The following VRK3 variants were observed in gnomAD, a reference collection of about 807,000 sequenced individuals.
The protein encoded by VRK3 is VRK serine/threonine kinase 3, also known as serine/threonine-protein kinase VRK3.
VRK3 carries 50 observed loss-of-function variants against 60.4 expected under a neutral mutation model. The observed-to-expected ratio is 0.83, with a 90% CI of 0.66 to 1.05. The LOEUF (loss-of-function observed/expected upper bound fraction) is 1.05, where lower values mean the gene tolerates loss of function less well. VRK3 is among the 50% of genes least tolerant of loss of function. The pLI is 0.00. For synonymous variants in VRK3, 246 were observed against 227.8 expected, an observed-to-expected ratio of 1.08 and a Z score of -0.72; for missense variants, 549 against 585.3, an observed-to-expected ratio of 0.94 and a Z score of 0.64.
chr19:50,011,575 A>C (rs902047172), intron 3 of VRK3, among the ~76,000 whole-genome samples: 4 of 152,164 alleles, frequency 2.6e-5, no homozygotes, highest in African/African-American at 9.7e-5. Context: ...GCAGCTCTCC[A>C]CGTCACCACA....
In VRK3 at chr19:49,988,833, C is replaced by T. The variant is rs536069316; in HGVS notation, c.1097-341G>A. Among the ~76,000 whole-genome samples, 46 of 152,290 alleles carry T rather than the reference C, an allele frequency of 3.0e-4. 1 individual carries two copies. The highest frequency in any genetic ancestry group is 1.1e-3 in the African/African-American group (44 of 41,552). ...ACCAGGATCTCGTCGGGTCCCAGCC[C>T]GTGACAGCCTAGTGGGGAGACAGCT... On this transcript the variant is annotated intron_variant, in intron 11 of 14. Coordinates refer to ENST00000316763, the MANE Select transcript of VRK3 (RefSeq NM_016440.4).
At chr19:49,985,617 C>T (rs964019268) in intron 12 of VRK3, among the ~76,000 whole-genome samples, 6 of 152,208 alleles carry the variant, frequency 3.9e-5, no homozygotes, top group Non-Finnish European at 1.5e-5. Flanking sequence ...CCTCATGACC[C>T]TCATCAGTCT....
intron 6 of VRK3, chr19:50,000,509 C>G (rs574190993): frequency 2.0e-6 from 1 of 495,006 alleles, no homozygotes; most frequent in Non-Finnish European, 3.7e-6. Context: ...GGCTCCATTT[C>G]ACAGATGAGG....
At chr19:50,018,313 T>G (rs1203650281) in intron 2 of VRK3, among the ~76,000 whole-genome samples, 3 of 152,232 alleles carry the variant, frequency 2.0e-5, no homozygotes, top group African/African-American at 7.2e-5. Flanking sequence ...TTCCAGTCAT[T>G]AATATTTCTA....
intron 3 of VRK3, chr19:50,015,726 C>T (rs1364562345): frequency 5.2e-6 from 2 of 382,210 alleles, no homozygotes; most frequent in Non-Finnish European, 9.7e-6. Context: ...ATAAGGGATA[C>T]TCAACCTGCA....
At chr19:49,994,669 G>A (rs1034354563) in intron 9 of VRK3, 145 bp downstream of exon 9, 15 of 732,694 alleles carry the variant, frequency 2.0e-5, no homozygotes, top group Middle Eastern at 2.5e-4. Context: ...GGCTCTAACC[G>A]CCTGCCATGG....
chr19:50,004,000 A>G (rs1198468378), intron 5 of VRK3, among the ~76,000 whole-genome samples: 1 of 152,244 alleles, frequency 6.6e-6, no homozygotes, highest in Non-Finnish European at 1.5e-5. Flanking sequence ...CAAGAGTTTG[A>G]GACCAGCCTG....
At chr19:49,990,989 T>A (rs1299001016) in intron 10 of VRK3, among the ~76,000 whole-genome samples, 2 of 152,058 alleles carry the variant, frequency 1.3e-5, no homozygotes, top group Non-Finnish European at 2.9e-5. Flanking sequence ...AGGTTCCCTA[T>A]GTTTCCCAGG....
chr19:50,000,892 C>A (rs147702874), intron 5 of VRK3, 38 bp from the exon 6 acceptor site: 2 of 1,593,188 alleles, frequency 1.3e-6, no homozygotes, highest in African/African-American at 2.7e-5. Context: ...GTTATAACCA[C>A]GCGGAAGGTC....
chr19:50,000,993 T>C (rs2115507), intron 5 of VRK3, 139 bp from the exon 6 acceptor site: 238,829 of 679,480 alleles, frequency 0.35, 47,740 homozygotes, highest in East Asian at 0.76. Flanking sequence ...CTCTCACGAC[T>C]TGCTGCTTCC....
intron 11 of VRK3, 44 bp from the exon 12 acceptor site, chr19:49,988,536 CCA>C: frequency 6.2e-7 from 1 of 1,600,660 alleles, no homozygotes; most frequent in Non-Finnish European, 8.5e-7. Context: ...TCTGGACGCT[CCA>C]CTCACTGGTG....
rs10424249 is a variant in VRK3, at chr19:49,989,556, C to T, written c.1096+83G>A. 14,875 of 1,491,664 alleles carry T rather than the reference C, an allele frequency of 1.0e-2. 1,275 individuals carry two copies. The African/African-American group carries it at 0.18, about 18-fold the overall frequency. 92.4% of individuals were successfully genotyped at this position (1,491,664 alleles called of 1,614,324 possible). On this transcript the variant is annotated intron_variant, in intron 11 of 14. Transcript: ENST00000316763. ...AGTGCCTCTCCTGTCTGGCCACCTG[C>T]TGTCTCTGGCTGTGAACTCCTAGAG...
intron 12 of VRK3, among the ~76,000 whole-genome samples, chr19:49,982,415 T>C (rs182783955): frequency 2.0e-5 from 3 of 152,310 alleles, no homozygotes; most frequent in African/African-American, 7.2e-5. Context: ...AGTGCTGGGA[T>C]TACAGATGTG....
chr19:49,983,358 G>A (rs2123023699), intron 12 of VRK3, among the ~76,000 whole-genome samples: 1 of 152,322 alleles, frequency 6.6e-6, no homozygotes, highest in East Asian at 1.9e-4. Flanking sequence ...TACAGCTCGA[G>A]GGCTTGGCCT....
chr19:50,012,824 G>C (rs375116883), intron 3 of VRK3, among the ~76,000 whole-genome samples: 2 of 151,482 alleles, frequency 1.3e-5, no homozygotes, highest in Non-Finnish European at 2.9e-5. Context: ...GCAGTGAGCC[G>C]AGATCGTGCC....
chr19:49,986,913 A>T (rs73932262), intron 12 of VRK3: 1 of 152,196 alleles, frequency 6.6e-6, no homozygotes, highest in Non-Finnish European at 1.5e-5. Context: ...TCCAAGACGG[A>T]GTCTTGCTTT....
chr19:50,000,561 G>A, intron 6 of VRK3: 1 of 577,680 alleles, frequency 1.7e-6, no homozygotes, highest in Non-Finnish European at 3.1e-6. Context: ...AGGTCACACA[G>A]CAGGGAAGCA....
chr19:50,025,339 G>C lies in VRK3; in HGVS notation c.-137C>G, dbSNP rs746151221. 6.6e-6 allele frequency: 1 copy of C among 152,328 alleles called. No homozygotes were observed. Among genetic ancestry groups the C allele is most frequent in the Non-Finnish European group, 1.5e-5 (1 of 68,120 alleles). The allele number at this position is 152,328 out of a possible 1,614,324, so 9.4% of individuals were successfully genotyped here. A position where few individuals can be genotyped will look rare whatever the true frequency, so the allele number is the denominator to read the frequency against. On this transcript the variant is annotated 5_prime_UTR_variant, in exon 1 of 15. Coordinates refer to ENST00000316763, the MANE Select transcript of VRK3 (RefSeq NM_016440.4). The stretch of plus-strand genomic sequence containing the variant: ...CCCTCGGATCCTCCGCAGTTACCCG[G>C]ACTCACCTTCTCAGTTGCCCAGCGA...
intron 2 of VRK3, chr19:50,019,155 A>C (rs2077123445): frequency 7.4e-6 from 1 of 135,522 alleles, no homozygotes; most frequent in African/African-American, 2.7e-5. Flanking sequence ...AAAGAGCGAG[A>C]CTCCGTCTCT....
Sources: gnomAD v4.1 joint callset for allele counts (sites outside exome capture counted in the v4.1 genomes callset) on GRCh38, gnomAD v4.1.1 for gene constraint, MANE v1.5 for transcripts, NCBI Gene and HGNC (gene_info 2026-07-23, HGNC 2026-07-21) for gene names.